The following LRCH1 variants were observed in gnomAD, a reference collection of about 807,000 sequenced individuals.
LRCH1 encodes leucine-rich repeat and calponin homology domain-containing protein 1.
Under a neutral mutation model 94.9 loss-of-function variants are expected in LRCH1, and 23 were observed. That is an observed-to-expected ratio of 0.24 (90% CI 0.17 to 0.34). LRCH1 has a LOEUF of 0.34. LRCH1 is among the 10% of genes least tolerant of loss of function. The pLI, the probability that LRCH1 is intolerant of heterozygous loss-of-function variation, is 1.00. For synonymous variants in LRCH1, 364 were observed against 354.9 expected, an observed-to-expected ratio of 1.03 and a Z score of -0.29; for missense variants, 790 against 945.9, an observed-to-expected ratio of 0.84 and a Z score of 2.16.
chr13:46,585,554 A>G (rs1040379195), intron 1 of LRCH1, among the ~76,000 whole-genome samples: 1 of 94,902 alleles, frequency 1.1e-5, no homozygotes, highest in Non-Finnish European at 2.1e-5. Flanking sequence ...CTGCATCTCA[A>G]AAAAAAAAAA....
At chr13:46,580,274 T>A (rs1305262368) in intron 1 of LRCH1, among the ~76,000 whole-genome samples, 3 of 152,236 alleles carry the variant, frequency 2.0e-5, no homozygotes, top group Admixed American at 2.0e-4. Context: ...CTGTTGCCTG[T>A]TATCTGAAAT....
chr13:46,580,519 A>G (rs922493125), intron 1 of LRCH1, among the ~76,000 whole-genome samples: 1 of 152,216 alleles, frequency 6.6e-6, no homozygotes, highest in Non-Finnish European at 1.5e-5. Context: ...CTGCTCCAAC[A>G]GTCTTAACGT....
exon 19 of LRCH1, chr13:46,752,331 G>A (rs559898415): frequency 6.6e-6 from 1 of 152,260 alleles, no homozygotes; most frequent in African/African-American, 2.4e-5. Context: ...AAATGTAGAG[G>A]GGGACGCAAA....
intron 1 of LRCH1, among the ~76,000 whole-genome samples, chr13:46,631,187 T>C (rs977552868): frequency 9.2e-5 from 14 of 152,256 alleles, no homozygotes; most frequent in Admixed American, 9.2e-4. Context: ...ATCCTTTCCA[T>C]AGCAAACATT....
At chr13:46,752,332 G>A (rs1306690452) in exon 19 of LRCH1, 3 of 152,240 alleles carry the variant, frequency 2.0e-5, no homozygotes, top group Non-Finnish European at 4.4e-5. Context: ...AATGTAGAGG[G>A]GGACGCAAAA....
intron 1 of LRCH1, among the ~76,000 whole-genome samples, chr13:46,564,435 CAGG>C (rs1225877058): frequency 6.6e-6 from 1 of 152,240 alleles, no homozygotes; most frequent in African/African-American, 2.4e-5. Context: ...AACTTGGCAT[CAGG>C]CTGTGAATGA....
intron 1 of LRCH1, among the ~76,000 whole-genome samples, chr13:46,640,926 T>C (rs1566194021): frequency 6.6e-6 from 1 of 152,186 alleles, no homozygotes. Context: ...TCTTAAGAGA[T>C]GCAGGCTGAG....
chr13:46,554,152 C>T (rs549720134), intron 1 of LRCH1, among the ~76,000 whole-genome samples: 79 of 152,362 alleles, frequency 5.2e-4, no homozygotes, highest in Admixed American at 9.1e-4. Flanking sequence ...TTCAAGCCGT[C>T]TTTGCATCGA....
At chr13:46,572,698 C>A (rs1053480290) in intron 1 of LRCH1, among the ~76,000 whole-genome samples, 7 of 152,208 alleles carry the variant, frequency 4.6e-5, no homozygotes, top group Non-Finnish European at 8.8e-5. Flanking sequence ...GGTAATGAAA[C>A]ATTGCAAAGA....
In LRCH1 at chr13:46,744,410, T is replaced by C. The variant is rs1189030066; in HGVS notation, c.*2562T>C. 1.0e-6 allele frequency: 1 copy of C among 985,170 alleles called. No individual in the cohort carries two copies. The highest frequency in any genetic ancestry group is 1.2e-6 in the Non-Finnish European group (1 of 829,942). 61.0% of individuals were successfully genotyped at this position (985,170 alleles called of 1,614,324 possible). A position where few individuals can be genotyped will look rare whatever the true frequency, so the allele number is the denominator to read the frequency against. ...TCCAGTTTCTCCAACTGGTGGCAAC[T>C]CTCCACTCAGTGTCAGGAATTCCAA... is the stretch of plus-strand genomic sequence containing the variant. On this transcript the variant is annotated 3_prime_UTR_variant, in exon 20 of 20. Coordinates refer to ENST00000389797, the MANE Select transcript of LRCH1 (RefSeq NM_001164211.2).
intron 1 of LRCH1, among the ~76,000 whole-genome samples, chr13:46,587,229 A>G (rs942196988): frequency 2.0e-5 from 3 of 152,230 alleles, no homozygotes; most frequent in African/African-American, 7.2e-5. Flanking sequence ...AGTTGGCCTT[A>G]GGTGCCCTCT....
At chr13:46,603,903 T>G (rs1479727147) in intron 1 of LRCH1, among the ~76,000 whole-genome samples, 1 of 152,226 alleles carries the variant, frequency 6.6e-6, no homozygotes, top group Non-Finnish European at 1.5e-5. Flanking sequence ...GCAATCCTCC[T>G]GCCTTGGCCT....
In LRCH1 at chr13:46,650,227, G is replaced by A. The variant is rs1329151592; in HGVS notation, c.334G>A (p.Val112Ile). Reference protein sequence around the residue: ...ADLSKNRLVEVPMELCHFVSL... With the variant: ...ADLSKNRLVEIPMELCHFVSL... ...CTTATCTAAAAACAGACTGGTTGAA[G>A]TTCCAATGGAATTGTGCCATTTTGT... The change falls in exon 2 of 20, where the codon GTT becomes ATT. Residue 112 changes from valine to isoleucine, a missense_variant. Physicochemically the swap from Val to Ile is conservative, Grantham distance 29. Transcript: ENST00000389797. The A allele has an allele frequency of 6.2e-7, 1 of 1,612,042 alleles. No homozygotes were observed. Among genetic ancestry groups the A allele is most frequent in the East Asian group, 2.2e-5 (1 of 44,772 alleles).
intron 1 of LRCH1, among the ~76,000 whole-genome samples, chr13:46,580,231 G>A (rs1338984829): frequency 2.0e-5 from 3 of 152,150 alleles, no homozygotes; most frequent in Admixed American, 1.3e-4. Context: ...TTCTAAAACT[G>A]ATCATATCTC....
intron 1 of LRCH1, among the ~76,000 whole-genome samples, chr13:46,581,794 C>T (rs1471446455): frequency 6.6e-6 from 1 of 152,230 alleles, no homozygotes; most frequent in Non-Finnish European, 1.5e-5. Context: ...CATCAATATT[C>T]CACCTTCTCA....
chr13:46,662,512 A>G (rs954920468), intron 2 of LRCH1, among the ~76,000 whole-genome samples: 3 of 152,258 alleles, frequency 2.0e-5, no homozygotes, highest in Non-Finnish European at 4.4e-5. Flanking sequence ...TGAGCATTCA[A>G]TTCCATTTTA....
intron 1 of LRCH1, among the ~76,000 whole-genome samples, chr13:46,573,866 A>ATATATATATATATATTTTTT: frequency 3.2e-4 from 20 of 63,376 alleles, no homozygotes; most frequent in African/African-American, 6.2e-4. Context: ...ATATATATAT[A>ATATATATATATATATTTTTT]TTTTTTTTTT....
intron 18 of LRCH1, among the ~76,000 whole-genome samples, chr13:46,729,563 A>AG (rs570998108): frequency 0.015 from 2,252 of 151,072 alleles, 49 homozygotes; most frequent in African/African-American, 0.05. Flanking sequence ...AAAAAAAAAA[A>AG]AAAAAGAAAA....
chr13:46,553,943 C>G (rs2050033351), intron 1 of LRCH1, among the ~76,000 whole-genome samples: 1 of 152,202 alleles, frequency 6.6e-6, no homozygotes, highest in African/African-American at 2.4e-5. Flanking sequence ...CGCCGGGCCT[C>G]TGCGCCTGAG....
Sources: gnomAD v4.1 joint callset for allele counts (sites outside exome capture counted in the v4.1 genomes callset) on GRCh38, gnomAD v4.1.1 for gene constraint, MANE v1.5 for transcripts, NCBI Gene and HGNC (gene_info 2026-07-23, HGNC 2026-07-21) for gene names.